The following INTS4 variants were observed in gnomAD, a reference collection of about 807,000 sequenced individuals.
INTS4 encodes the protein MSTP093.
A neutral mutation model predicts 119.5 loss-of-function variants in INTS4; 70 were observed. The observed-to-expected ratio is 0.59, with a 90% CI of 0.48 to 0.71. The LOEUF (loss-of-function observed/expected upper bound fraction) is 0.71, where lower values mean the gene tolerates loss of function less well. Ranked by LOEUF, INTS4 falls within the 30% of genes least tolerant of loss-of-function variation. The pLI is 0.00. For synonymous variants in INTS4, 316 were observed against 419.6 expected, an observed-to-expected ratio of 0.75 and a Z score of 3.02; for missense variants, 867 against 1,173.2, an observed-to-expected ratio of 0.74 and a Z score of 3.81.
At position 77,918,897 on chromosome 11, in the gene INTS4, G is replaced by A; in HGVS notation, c.1846C>T (p.Gln616Ter). The A allele has an allele frequency of 6.2e-7, 1 of 1,613,948 alleles. No homozygotes were observed. Among genetic ancestry groups the A allele is most frequent in the Non-Finnish European group, 8.5e-7 (1 of 1,179,864 alleles). Residue 616 changes from glutamine to a stop codon, truncating the protein, a stop_gained, in exon 15 of 23, where the codon CAG becomes TAG. Transcript: ENST00000534064. LOFTEE classifies it high-confidence loss of function. ...AGACTATACACTCTTTCAAGGCTCT[G>A]CTGCAGGAACTGCTGGGAAGGATCC... Reference protein sequence around the residue: ...QEDPSQQFLQQSLERVYSLQH... With the variant: ...QEDPSQQFLQ
At chr11:77,909,770 G>T (rs1364256321) in intron 15 of INTS4, among the ~76,000 whole-genome samples, 2 of 152,214 alleles carry the variant, frequency 1.3e-5, no homozygotes, top group East Asian at 3.8e-4. Context: ...AAATAAAATA[G>T]TTGTGCTAGA....
intron 9 of INTS4, among the ~76,000 whole-genome samples, chr11:77,940,593 A>G (rs1953906348): frequency 6.6e-6 from 1 of 152,124 alleles, no homozygotes; most frequent in South Asian, 2.1e-4. Context: ...TAACAAATAG[A>G]AAATTAATCT....
intron 8 of INTS4, among the ~76,000 whole-genome samples, chr11:77,953,623 G>A (rs189610680): frequency 6.7e-6 from 1 of 148,636 alleles, no homozygotes; most frequent in East Asian, 2.0e-4. Flanking sequence ...TCGCTCTTTT[G>A]CACAGGCTGG....
At position 77,981,512 on chromosome 11, in the gene INTS4, C is replaced by G; in HGVS notation, c.311G>C (p.Gly104Ala). ...SLLGLLSKTAGFSPDCIMDDA... is the reference protein window; with the variant it reads ...SLLGLLSKTAAFSPDCIMDDA... ...ATCCATAATGCAGTCTGGTGAAAATCCTGCTGTCTTTGATAATAAACCCAA... is the reference window on the plus strand; with the variant it reads ...ATCCATAATGCAGTCTGGTGAAAATGCTGCTGTCTTTGATAATAAACCCAA... The change falls in exon 3 of 23, where the codon GGA becomes GCA. Residue 104 changes from glycine (G) to alanine (A), a missense_variant. Physicochemically the swap from Gly to Ala is moderately conservative, Grantham distance 60 (BLOSUM62 0). Transcript: ENST00000534064. The G allele has an allele frequency of 6.3e-7, 1 of 1,583,972 alleles. No individual in the cohort carries two copies. The highest frequency in any genetic ancestry group is 8.6e-7 in the Non-Finnish European group (1 of 1,163,924).
intron 21 of INTS4, among the ~76,000 whole-genome samples, chr11:77,889,645 T>C (rs1001337870): frequency 1.3e-5 from 2 of 152,186 alleles, no homozygotes; most frequent in Non-Finnish European, 2.9e-5. Context: ...AATCTCAGTG[T>C]CATCTCTGAG....
At chr11:77,877,931 A>G (rs1264884710), downstream of INTS4, among the ~76,000 whole-genome samples, 1 of 152,172 alleles carries the variant, frequency 6.6e-6, no homozygotes, top group Admixed American at 6.5e-5. Context: ...CTCATCAGAG[A>G]TGCTGCAGTA....
At chr11:77,990,573 C>T (rs559637834) in intron 2 of INTS4, among the ~76,000 whole-genome samples, 37 of 150,964 alleles carry the variant, frequency 2.5e-4, no homozygotes, top group African/African-American at 7.8e-4. Flanking sequence ...GTAATCCCAG[C>T]TACTAAGGAG....
intron 2 of INTS4, chr11:77,987,702 C>T (rs1565294226): frequency 2.3e-6 from 1 of 438,640 alleles, no homozygotes; most frequent in Non-Finnish European, 4.6e-6. Context: ...TCCATCTCTA[C>T]AAAAAAAATT....
rs1284543950 is a variant in INTS4, at chr11:77,879,083, T to C, written c.2758A>G (p.Ser920Gly). 1.2e-6 allele frequency: 2 copies of C among 1,614,174 alleles called. No homozygotes were observed. The highest frequency in any genetic ancestry group is 1.1e-5 in the South Asian group (1 of 91,080). The change falls in exon 23 of 23, where the codon AGT (serine) becomes GGT (glycine). Residue 920 changes from serine (S) to glycine (G), a missense_variant. Around this residue, in one of 5 missense-constraint regions of INTS4, gnomAD observed 122 missense variants for 133.2 expected, o/e 0.92. Coordinates refer to ENST00000534064, the MANE Select transcript of INTS4 (RefSeq NM_033547.4). ...CAGGGGCATTTTGGAATGCGAGCAC[T>C]GGAGTTGTAGGCCAGCAGCAGCCTC... Reference protein sequence around the residue: ...EVRLLLAYNSSARIPKCPWME... With the variant: ...EVRLLLAYNSGARIPKCPWME...
intron 4 of INTS4, among the ~76,000 whole-genome samples, chr11:77,974,390 G>A (rs866666268): frequency 1.3e-5 from 2 of 151,018 alleles, no homozygotes; most frequent in Admixed American, 6.6e-5. Context: ...TTACAGGCAC[G>A]CACCACCATA....
chr11:77,911,991 CATTT>C (rs1390756226), intron 15 of INTS4, among the ~76,000 whole-genome samples: 2 of 152,122 alleles, frequency 1.3e-5, no homozygotes, highest in African/African-American at 4.8e-5. Context: ...TATTGCATCT[CATTT>C]ATTTATTTGC....
chr11:77,941,286 C>T lies in INTS4; in HGVS notation c.919-35G>A, dbSNP rs769045816. On this transcript the variant is annotated intron_variant, in intron 8 of 22. Coordinates refer to ENST00000534064, the MANE Select transcript of INTS4 (RefSeq NM_033547.4). ...GAAAAATCCAGAGCATATAAAACAA[C>T]TTTTATGATTTGAACATTATCTTAA... 2.0e-5 allele frequency: 31 copies of T among 1,584,436 alleles called. No individual in the cohort carries two copies. In the South Asian group the frequency reaches 3.4e-4, roughly 17 times the overall value.
chr11:77,948,152 TG>T (rs1306462556), intron 8 of INTS4, among the ~76,000 whole-genome samples: 2 of 151,700 alleles, frequency 1.3e-5, no homozygotes, highest in African/African-American at 2.4e-5. Context: ...CCAGCCTAAC[TG>T]AAGACTCTGT....
intron 10 of INTS4, among the ~76,000 whole-genome samples, chr11:77,930,770 A>T (rs1180214093): frequency 2.0e-5 from 3 of 152,194 alleles, no homozygotes; most frequent in Non-Finnish European, 4.4e-5. Flanking sequence ...ACTTGAGCCC[A>T]GGAGTTCAAC....
chr11:77,940,301 T>C (rs1392279692), intron 9 of INTS4, among the ~76,000 whole-genome samples: 2 of 151,640 alleles, frequency 1.3e-5, no homozygotes, highest in African/African-American at 4.8e-5. Flanking sequence ...CATGGTGAGG[T>C]ATGCCTGTAG....
chr11:77,950,770 G>C (rs1043864629), intron 8 of INTS4, among the ~76,000 whole-genome samples: 3 of 151,950 alleles, frequency 2.0e-5, no homozygotes, highest in African/African-American at 7.3e-5. Flanking sequence ...TGTGCACAAC[G>C]TGCAGGTTAG....
chr11:77,906,078 A>G (rs920355457), intron 16 of INTS4, among the ~76,000 whole-genome samples: 3 of 152,044 alleles, frequency 2.0e-5, no homozygotes, highest in African/African-American at 7.2e-5. Context: ...GGGGATTTTG[A>G]TATTTTCTGG....
intron 22 of INTS4, among the ~76,000 whole-genome samples, chr11:77,883,286 G>C (rs952197527): frequency 3.9e-5 from 6 of 152,244 alleles, no homozygotes; most frequent in African/African-American, 1.4e-4. Context: ...TCTGCAGACT[G>C]AGGTCTTCTT....
chr11:77,906,963 G>C (rs555096769), intron 16 of INTS4, among the ~76,000 whole-genome samples: 1 of 152,346 alleles, frequency 6.6e-6, no homozygotes, highest in South Asian at 2.1e-4. Context: ...AAACTAAATA[G>C]ATTCTTGGGT....
Sources: gnomAD v4.1 joint callset for allele counts (sites outside exome capture counted in the v4.1 genomes callset) on GRCh38, gnomAD v4.1.1 for gene constraint, gnomAD v4.1.1 regional missense constraint, MANE v1.5 for transcripts, NCBI Gene and HGNC (gene_info 2026-07-23, HGNC 2026-07-21) for gene names.